Variants in CEMIP observed in about 807,000 individuals in gnomAD.
CEMIP encodes cell migration-inducing and hyaluronan-binding protein.
A neutral mutation model predicts 156.9 loss-of-function variants in CEMIP; 105 were observed. That is an observed-to-expected ratio of 0.67 (90% CI 0.57 to 0.79). The LOEUF is 0.79. Among genes scored for constraint, CEMIP ranks in the 30% least tolerant of loss-of-function variants. The probability of loss-of-function intolerance (pLI) is 0.00; values close to 1 mark genes in which losing one functional copy is unlikely to be tolerated. For missense variants in CEMIP, 1,457 were observed against 1,769.4 expected (o/e 0.82, Z 3.17); for synonymous variants, 676 against 668.4 (o/e 1.01, Z -0.17).
At chr15:80,882,614 T>C (rs1025873864) in intron 6 of CEMIP, among the ~76,000 whole-genome samples, 2 of 152,248 alleles carry the variant, frequency 1.3e-5, no homozygotes, top group African/African-American at 4.8e-5. Context: ...TAGTGAGAAG[T>C]GATCTGGACA....
At chr15:80,928,420 T>G (rs375159331) in intron 19 of CEMIP, among the ~76,000 whole-genome samples, 1 of 152,082 alleles carries the variant, frequency 6.6e-6, no homozygotes, top group Admixed American at 6.5e-5. Flanking sequence ...TCCTGGAAAC[T>G]TGAAAAGTAG....
chr15:80,871,508 G>T (rs1898290216), intron 1 of CEMIP, among the ~76,000 whole-genome samples: 1 of 152,164 alleles, frequency 6.6e-6, no homozygotes, highest in Admixed American at 6.5e-5. Context: ...CTCGGTACCT[G>T]GGAAGTCTGA....
intron 14 of CEMIP, among the ~76,000 whole-genome samples, chr15:80,918,080 G>A (rs373196169): frequency 1.3e-5 from 2 of 152,120 alleles, no homozygotes; most frequent in African/African-American, 4.8e-5. Context: ...TTTGAGACCA[G>A]CCTGGGCAAC....
chr15:80,887,836 A>T, intron 8 of CEMIP, 72 bp downstream of exon 8: 1 of 1,249,282 alleles, frequency 8.0e-7, no homozygotes, highest in South Asian at 1.2e-5. Flanking sequence ...GGCTTTTCTG[A>T]ACATCTCACT....
Position 80,797,657 on chromosome 15 carries a change from T to C in CEMIP, c.-176+18043T>C, listed in dbSNP as rs962146473. ...ACGTACAAAAACTAACACACGGTTC[T>C]TTAGCTCCTCTCCTCTGCTGCAGTG... On this transcript the variant is annotated intron_variant, in intron 1 of 29. Coordinates refer to ENST00000394685, the MANE Select transcript of CEMIP (RefSeq NM_001293298.2). 8.1e-4 allele frequency among the ~76,000 whole-genome samples: 6 copies of C among 7,392 alleles called. No homozygotes were observed. The Non-Finnish European group carries it at 0.07, about 86-fold the overall frequency. The allele number at this position is 7,392 out of a possible 152,430, so 4.8% of individuals were successfully genotyped here. A position where few individuals can be genotyped will look rare whatever the true frequency, so the allele number is the denominator to read the frequency against.
At chr15:80,870,951 A>C (rs567263562) in intron 1 of CEMIP, among the ~76,000 whole-genome samples, 6 of 152,340 alleles carry the variant, frequency 3.9e-5, no homozygotes, top group African/African-American at 9.6e-5. Context: ...GCGGTCAACC[A>C]GTCTCCAGCT....
chr15:80,782,330 G>A (rs117773204), intron 1 of CEMIP, among the ~76,000 whole-genome samples: 1 of 152,312 alleles, frequency 6.6e-6, no homozygotes, highest in Non-Finnish European at 1.5e-5. Flanking sequence ...TTTATGGAGT[G>A]GAACTTTGCC....
At chr15:80,920,944 TCAGAGTGCCCAA>T in intron 15 of CEMIP, 76 bp from the exon 16 acceptor site, 2 of 1,041,428 alleles carry the variant, frequency 1.9e-6, no homozygotes, top group Non-Finnish European at 3.0e-6. Context: ...CAGGCCAATA[TCAGAGTGCCCAA>T]CCTGCACCTG....
chr15:80,780,608 G>C (rs1459722409), intron 1 of CEMIP, among the ~76,000 whole-genome samples: 1 of 152,212 alleles, frequency 6.6e-6, no homozygotes, highest in African/African-American at 2.4e-5. Flanking sequence ...CCACAGGTGA[G>C]AGCTCCCTTT....
chr15:80,804,463 G>A (rs1596100752), intron 1 of CEMIP, among the ~76,000 whole-genome samples: 1 of 152,192 alleles, frequency 6.6e-6, no homozygotes, highest in East Asian at 1.9e-4. Flanking sequence ...TCAATACCAT[G>A]TGGCCATGTG....
intron 22 of CEMIP, among the ~76,000 whole-genome samples, 154 bp from the exon 23 acceptor site, chr15:80,933,091 G>T (rs550350459): frequency 6.6e-6 from 1 of 152,288 alleles, no homozygotes; most frequent in African/African-American, 2.4e-5. Context: ...GCATCGGAGG[G>T]GTCAGCCACG....
chr15:80,889,454 G>C lies in CEMIP; in HGVS notation c.965-17G>C, dbSNP rs1161662550. 2 of 1,613,778 alleles carry C rather than the reference G, an allele frequency of 1.2e-6. No individual in the cohort carries two copies. The highest frequency in any genetic ancestry group is 2.7e-5 in the African/African-American group (2 of 74,914). On this transcript the variant is annotated splice_polypyrimidine_tract_variant and intron_variant, in intron 9 of 29. Coordinates refer to ENST00000394685, the MANE Select transcript of CEMIP (RefSeq NM_001293298.2). ...AGACAACCTCCTGTCTGACTGTGCT[G>C]TTTGCTTTCTGCCTAGACGTGGAGT...
intron 1 of CEMIP, among the ~76,000 whole-genome samples, chr15:80,829,446 T>C (rs1596117118): frequency 6.6e-6 from 1 of 152,354 alleles, no homozygotes; most frequent in South Asian, 2.1e-4. Flanking sequence ...CTTCCACCTT[T>C]GTGGTTCCAC....
In CEMIP at chr15:80,879,726, C is replaced by A. The variant is rs781638512; in HGVS notation, c.252C>A (p.Val84=). 1 of 1,614,168 alleles carries A rather than the reference C, an allele frequency of 6.2e-7. No individual in the cohort carries two copies. Among genetic ancestry groups the A allele is most frequent in the Middle Eastern group, 1.6e-4 (1 of 6,062 alleles). The change falls in exon 5 of 30, where the codon GTC becomes GTA. Residue 84 remains valine, a synonymous_variant. Transcript: ENST00000394685. ...SIHISEGGKL[V]IKDHDEPIVL... ...ATGCTACCTCTTCAGGCAAGCTGGT[C>A]ATTAAAGACCACGACGAGCCGATTG...
chr15:80,794,421 C>T (rs1309868255), intron 1 of CEMIP, among the ~76,000 whole-genome samples: 1 of 152,150 alleles, frequency 6.6e-6, no homozygotes, highest in Non-Finnish European at 1.5e-5. Context: ...GAGCTGAGAC[C>T]TGCCTGCATG....
intron 1 of CEMIP, among the ~76,000 whole-genome samples, chr15:80,840,443 G>A (rs907897224): frequency 3.9e-5 from 6 of 152,066 alleles, no homozygotes; most frequent in African/African-American, 7.2e-5. Flanking sequence ...TCTCCTTGGC[G>A]CTGCCTCCAG....
At chr15:80,942,465 G>C in intron 27 of CEMIP, 128 bp downstream of exon 27, 4 of 791,432 alleles carry the variant, frequency 5.1e-6, no homozygotes, top group South Asian at 2.9e-5. Flanking sequence ...TCCTCCAGGG[G>C]GCTTGGGGCG....
intron 1 of CEMIP, among the ~76,000 whole-genome samples, chr15:80,787,543 T>C (rs1895971278): frequency 6.6e-6 from 1 of 152,208 alleles, no homozygotes; most frequent in Non-Finnish European, 1.5e-5. Context: ...GGCCTTTGCG[T>C]CAGCCCACAT....
At chr15:80,939,083 G>A (rs564826350) in intron 25 of CEMIP, among the ~76,000 whole-genome samples, 1 of 152,324 alleles carries the variant, frequency 6.6e-6, no homozygotes, top group Admixed American at 6.5e-5. Context: ...CGCCAGCTGG[G>A]GGCAGACAAG....
Sources: gnomAD v4.1 joint callset for allele counts (sites outside exome capture counted in the v4.1 genomes callset) on GRCh38, gnomAD v4.1.1 for gene constraint, MANE v1.5 for transcripts, NCBI Gene and HGNC (gene_info 2026-07-23, HGNC 2026-07-21) for gene names.